Variants in CA5A observed in about 807,000 individuals in gnomAD.
CA5A encodes the protein carbonic anhydrase 5A.
In CA5A, 28 loss-of-function variants were observed where a neutral mutation model predicts 37.1. The observed-to-expected ratio is 0.75, with a 90% CI of 0.56 to 1.03. The LOEUF (loss-of-function observed/expected upper bound fraction) is 1.03. Among genes scored for constraint, CA5A ranks in the 50% least tolerant of loss-of-function variants. CA5A has a pLI of 0.00. For missense variants in CA5A, 444 were observed against 399.9 expected, an observed-to-expected ratio of 1.11 and a Z score of -0.94; for synonymous variants, 171 against 158.4, an observed-to-expected ratio of 1.08 and a Z score of -0.60.
intron 2 of CA5A, among the ~76,000 whole-genome samples, chr16:87,915,567 T>C (rs1488759905): frequency 7.9e-6 from 1 of 127,116 alleles, no homozygotes; most frequent in Non-Finnish European, 1.6e-5. Flanking sequence ...CTCACACCTG[T>C]AGATGCAACT....
chr16:87,887,966 C>T (rs2143887477), downstream of CA5A: 4 of 1,077,506 alleles, frequency 3.7e-6, no homozygotes, highest in South Asian at 3.7e-5. Flanking sequence ...ACGGTACTTA[C>T]ACATCTTTCT....
intron 2 of CA5A, among the ~76,000 whole-genome samples, chr16:87,923,363 T>C (rs1000740760): frequency 6.6e-5 from 10 of 152,190 alleles, no homozygotes; most frequent in Non-Finnish European, 1.2e-4. Flanking sequence ...AATTTTTGTA[T>C]TTTTAGTACA....
At chr16:87,913,007 C>G (rs1457392121) in intron 2 of CA5A, among the ~76,000 whole-genome samples, 1 of 150,744 alleles carries the variant, frequency 6.6e-6, no homozygotes, top group Non-Finnish European at 1.5e-5. Context: ...TTTTTTGAGA[C>G]AGAGTCTCGC....
intron 1 of CA5A, among the ~76,000 whole-genome samples, chr16:87,933,530 C>T (rs944179934): frequency 2.0e-5 from 3 of 152,064 alleles, no homozygotes; most frequent in African/African-American, 7.2e-5. Flanking sequence ...TGTGTGCCAC[C>T]ATGTCCAGTT....
intron 2 of CA5A, among the ~76,000 whole-genome samples, chr16:87,905,312 CA>C (rs1479593495): frequency 1.3e-5 from 2 of 152,148 alleles, no homozygotes; most frequent in African/African-American, 4.8e-5. Flanking sequence ...ATCCTATCAC[CA>C]AATAACATTA....
intron 5 of CA5A, among the ~76,000 whole-genome samples, chr16:87,897,268 G>T (rs1370002939): frequency 6.6e-6 from 1 of 152,278 alleles, no homozygotes; most frequent in East Asian, 1.9e-4. Context: ...CAGGGAGGAG[G>T]GGGGACCCCA....
intron 5 of CA5A, among the ~76,000 whole-genome samples, chr16:87,894,036 G>A (rs1367820898): frequency 2.6e-5 from 4 of 152,258 alleles, no homozygotes; most frequent in Admixed American, 6.5e-5. Context: ...TGGGATTACA[G>A]GCATAAGCCA....
intron 3 of CA5A, among the ~76,000 whole-genome samples, chr16:87,903,151 G>A (rs2055905563): frequency 6.6e-6 from 1 of 151,790 alleles, no homozygotes; most frequent in South Asian, 2.1e-4. Context: ...CTCAGGCCTC[G>A]GCTGGGCGCG....
At chr16:87,904,108 G>A (rs1175913232) in intron 3 of CA5A, among the ~76,000 whole-genome samples, 2 of 152,164 alleles carry the variant, frequency 1.3e-5, no homozygotes, top group Non-Finnish European at 2.9e-5. Context: ...TTGGGAGGCT[G>A]AGGTGGGTGG....
intron 1 of CA5A, among the ~76,000 whole-genome samples, chr16:87,929,673 C>T (rs113004168): frequency 2.8e-4 from 42 of 151,622 alleles, no homozygotes; most frequent in African/African-American, 9.7e-4. Flanking sequence ...GAGATCGAGA[C>T]CATCCTGGCT....
At chr16:87,913,804 C>G (rs897879696) in intron 2 of CA5A, among the ~76,000 whole-genome samples, 1 of 152,212 alleles carries the variant, frequency 6.6e-6, no homozygotes, top group African/African-American at 2.4e-5. Context: ...TCCTGCACAC[C>G]AGCCTTGCAG....
intron 2 of CA5A, among the ~76,000 whole-genome samples, chr16:87,906,219 G>T (rs1309776503): frequency 6.6e-6 from 1 of 150,830 alleles, no homozygotes; most frequent in Non-Finnish European, 1.5e-5. Context: ...GCCTCCCATA[G>T]CTGTGGAGGA....
chr16:87,916,251 T>G (rs1037960493), intron 2 of CA5A, among the ~76,000 whole-genome samples: 1 of 148,952 alleles, frequency 6.7e-6, no homozygotes, highest in Non-Finnish European at 1.5e-5. Context: ...GAGGCTGAGG[T>G]GGGTGGATAG....
intron 2 of CA5A, among the ~76,000 whole-genome samples, chr16:87,909,437 G>C (rs1433393622): frequency 6.6e-6 from 1 of 152,226 alleles, no homozygotes; most frequent in Non-Finnish European, 1.5e-5. Flanking sequence ...CGAAACGTTC[G>C]TTCTTCTAAG....
intron 2 of CA5A, chr16:87,923,652 C>T (rs1159727733): frequency 9.1e-6 from 9 of 985,320 alleles, no homozygotes; most frequent in African/African-American, 1.7e-5. Context: ...AGCTCAGGGT[C>T]AGCCACCAGA....
At chr16:87,897,356 G>C (rs2055819488) in intron 5 of CA5A, among the ~76,000 whole-genome samples, 1 of 152,266 alleles carries the variant, frequency 6.6e-6, no homozygotes, top group South Asian at 2.1e-4. Flanking sequence ...AAAACTTCTG[G>C]CTATGGTGAG....
rs138332750 is a variant in CA5A at position 87,888,166 on chromosome 16, G to C, written c.881C>G (p.Ala294Gly). The C allele has an allele frequency of 1.2e-6, 2 of 1,613,730 alleles. No homozygotes were observed. The highest frequency in any genetic ancestry group is 2.2e-5 in the South Asian group (2 of 91,072). ...GCCCTCATTAGTGGCCTGGAAGGAC[G>C]CCCAGACCTTCCGGTTCATCAAGGG... ...LQPLMNRKVWASFQATNEGTR... is the reference protein window; with the variant it reads ...LQPLMNRKVWGSFQATNEGTR... Residue 294 changes from alanine (A) to glycine (G), a missense_variant, in exon 7 of 7, where the codon GCG becomes GGG. By Grantham distance (60) the Ala-to-Gly change is moderately conservative. Transcript: ENST00000649794.
chr16:87,898,589 G>A (rs2055834301), intron 5 of CA5A, among the ~76,000 whole-genome samples: 1 of 152,228 alleles, frequency 6.6e-6, no homozygotes, highest in African/African-American at 2.4e-5. Context: ...GTGACGGGCA[G>A]CAGCAGCCTG....
chr16:87,926,314 C>G (rs1038305506), intron 2 of CA5A, among the ~76,000 whole-genome samples: 1 of 152,168 alleles, frequency 6.6e-6, no homozygotes, highest in East Asian at 1.9e-4. Flanking sequence ...ATGCCCCTGC[C>G]CTGCTGTGGA....
Sources: allele counts gnomAD v4.1 joint callset (sites outside exome capture counted in the v4.1 genomes callset), GRCh38; gene constraint gnomAD v4.1.1; transcripts MANE v1.5; gene names NCBI Gene and HGNC (gene_info 2026-07-23, HGNC 2026-07-21).